The following BPNT1 variants were observed in gnomAD, a reference collection of about 807,000 sequenced individuals.
BPNT1 encodes the protein 3'(2'),5'-bisphosphate nucleotidase 1.
A neutral mutation model predicts 36.9 loss-of-function variants in BPNT1; 28 were observed. The observed-to-expected ratio is 0.76, with a 90% CI of 0.56 to 1.04. The LOEUF (loss-of-function observed/expected upper bound fraction) is 1.04, where lower values mean the gene tolerates loss of function less well. Ranked by LOEUF, BPNT1 falls within the 50% of genes least tolerant of loss-of-function variation. BPNT1 has a pLI of 0.00. For synonymous variants in BPNT1, 119 were observed against 130.9 expected (o/e 0.91, Z 0.62); for missense variants, 313 against 372.9 (o/e 0.84, Z 1.32).
At chr1:220,065,138 G>A (rs561025850) in intron 6 of BPNT1, among the ~76,000 whole-genome samples, 25 of 152,098 alleles carry the variant, frequency 1.6e-4, no homozygotes, top group Non-Finnish European at 3.1e-4. Context: ...CAGTTCTCCA[G>A]TTATTCTGGA....
intron 7 of BPNT1, among the ~76,000 whole-genome samples, chr1:220,060,395 G>C (rs1053565350): frequency 2.0e-5 from 3 of 152,108 alleles, no homozygotes; most frequent in Non-Finnish European, 4.4e-5. Context: ...AGAATCGTTT[G>C]AACCTGGGAG....
At chr1:220,086,934 C>A (rs567473798) in intron 1 of BPNT1, among the ~76,000 whole-genome samples, 15 of 146,956 alleles carry the variant, frequency 1.0e-4, no homozygotes, top group Admixed American at 1.4e-4. Flanking sequence ...GTAACCCCAA[C>A]TTCTTGGGAG....
rs866025067 is a variant in BPNT1 at position 220,064,686 on chromosome 1, T to C, written c.475-1732A>G. On this transcript the variant is annotated intron_variant, in intron 6 of 8. Coordinates refer to ENST00000322067, the MANE Select transcript of BPNT1 (RefSeq NM_006085.6). ...AATCCCAGAAGAGTCTGATGGCATA[T>C]GGGGCAACAAAGGAGCCAAAGAACA... 3.3e-5 allele frequency among the ~76,000 whole-genome samples: 5 copies of C among 152,180 alleles called. No homozygotes were observed. In the South Asian group the frequency reaches 1.0e-3, roughly 32 times the overall value.
Position 220,059,828 on chromosome 1 carries a change from A to G in BPNT1, c.673-37T>C, listed in dbSNP as rs375078434. On this transcript the variant is annotated intron_variant, in intron 7 of 8. Coordinates refer to ENST00000322067, the MANE Select transcript of BPNT1 (RefSeq NM_006085.6). ...AAAATAAGAATTATCCTTTGATAAT[A>G]GAAAGAATAATTGAAAGTCATGAAA... is the stretch of plus-strand genomic sequence containing the variant. 3.7e-4 allele frequency: 532 copies of G among 1,428,626 alleles called. 2 individuals are homozygous for G. The highest frequency in any genetic ancestry group is 3.1e-4 in the Non-Finnish European group (320 of 1,041,394). 88.5% of individuals were successfully genotyped at this position (1,428,626 alleles called of 1,614,324 possible). A position where few individuals can be genotyped will look rare whatever the true frequency, so the allele number is the denominator to read the frequency against.
Position 220,062,738 on chromosome 1 carries a change from T to A in BPNT1, c.672+19A>T, listed in dbSNP as rs1663166129. 1 of 1,612,868 alleles carries A rather than the reference T, an allele frequency of 6.2e-7. No individual in the cohort carries two copies. Among genetic ancestry groups the A allele is most frequent in the Non-Finnish European group, 8.5e-7 (1 of 1,178,790 alleles). ...TGATTCACTTGCACTTCAGAGCAGATGACAGACATTTTTCATACCTTATTT... is the reference window on the plus strand; with the variant it reads ...TGATTCACTTGCACTTCAGAGCAGAAGACAGACATTTTTCATACCTTATTT... On this transcript the variant is annotated intron_variant, in intron 7 of 8. Coordinates refer to ENST00000322067, the MANE Select transcript of BPNT1 (RefSeq NM_006085.6).
intron 2 of BPNT1, 63 bp from the exon 3 acceptor site, chr1:220,074,134 G>T: frequency 1.4e-6 from 2 of 1,395,182 alleles, no homozygotes; most frequent in Non-Finnish European, 1.0e-6. Flanking sequence ...CTGATTCCTT[G>T]TGCATGAGTG....
intron 2 of BPNT1, among the ~76,000 whole-genome samples, chr1:220,074,286 C>A (rs370227348): frequency 1.2e-4 from 18 of 152,168 alleles, no homozygotes; most frequent in African/African-American, 4.3e-4. Context: ...TAATCCAGAA[C>A]ATTTTCTTCC....
At chr1:220,068,094 G>GA in intron 5 of BPNT1, among the ~76,000 whole-genome samples, 2 of 152,186 alleles carry the variant, frequency 1.3e-5, no homozygotes, top group East Asian at 3.9e-4. Flanking sequence ...TAGTAATTAT[G>GA]ATAAATTTTT....
In BPNT1 at chr1:220,062,739, G is replaced by A. The variant is rs1663166392; in HGVS notation, c.672+18C>T. 1 of 1,612,600 alleles carries A rather than the reference G, an allele frequency of 6.2e-7. No individual in the cohort carries two copies. Among genetic ancestry groups the A allele is most frequent in the Non-Finnish European group, 8.5e-7 (1 of 1,178,754 alleles). ...GATTCACTTGCACTTCAGAGCAGAT[G>A]ACAGACATTTTTCATACCTTATTTC... On this transcript the variant is annotated intron_variant, in intron 7 of 8. Transcript: ENST00000322067.
intron 5 of BPNT1, among the ~76,000 whole-genome samples, chr1:220,068,331 G>A (rs1395831999): frequency 6.6e-6 from 1 of 152,056 alleles, no homozygotes; most frequent in African/African-American, 2.4e-5. Flanking sequence ...TTACAGACGT[G>A]TGCCACCAGG....
At position 220,057,725 on chromosome 1, in the gene BPNT1, A is replaced by G. The variant is rs1160712948; in HGVS notation, c.*1119T>C. 3 of 552,660 alleles carry G rather than the reference A, an allele frequency of 5.4e-6. No individual in the cohort carries two copies. The highest frequency in any genetic ancestry group is 9.0e-6 in the Non-Finnish European group (3 of 334,122). 34.2% of individuals were successfully genotyped at this position (552,660 alleles called of 1,614,324 possible). On this transcript the variant is annotated 3_prime_UTR_variant, in exon 9 of 9. Coordinates refer to ENST00000322067, the MANE Select transcript of BPNT1 (RefSeq NM_006085.6). ...TTTAAAAAGCTGGTGAATAACAAAGAGCTAGGATTAAATAATTTATTTAAA... is the reference window on the plus strand; with the variant it reads ...TTTAAAAAGCTGGTGAATAACAAAGGGCTAGGATTAAATAATTTATTTAAA...
At chr1:220,069,581 C>G (rs1663861828) in intron 4 of BPNT1, 149 bp from the exon 5 acceptor site, 1 of 546,792 alleles carries the variant, frequency 1.8e-6, no homozygotes, top group East Asian at 3.3e-5. Flanking sequence ...TGAGATAGTA[C>G]AAAAAGCTTA....
chr1:220,083,602 C>T (rs770623538), intron 1 of BPNT1, among the ~76,000 whole-genome samples: 2 of 152,028 alleles, frequency 1.3e-5, no homozygotes, highest in African/African-American at 2.4e-5. Flanking sequence ...TGAGCCACCG[C>T]GCCCGGCCAA....
At position 220,082,099 on chromosome 1, in the gene BPNT1, G is replaced by T. The variant is rs1333073867; in HGVS notation, c.-8-2245C>A. Among the ~76,000 whole-genome samples the T allele has an allele frequency of 5.9e-4, 85 of 143,426 alleles. 1 individual carries two copies. The highest frequency in any genetic ancestry group is 1.8e-3 in the African/African-American group (71 of 38,930). 94.1% of individuals were successfully genotyped at this position (143,426 alleles called of 152,430 possible). ...ATATATATATATAGAGAGAGAGAGA[G>T]AGAGAGAGAGAGAGAGAGAGAGTGT... On this transcript the variant is annotated intron_variant, in intron 1 of 8. Transcript: ENST00000322067.
At chr1:220,072,549 A>G (rs1173792769) in intron 4 of BPNT1, among the ~76,000 whole-genome samples, 1 of 152,096 alleles carries the variant, frequency 6.6e-6, no homozygotes, top group Non-Finnish European at 1.5e-5. Context: ...TCCTAGACTC[A>G]AGCAATCCAA....
At chr1:220,075,951 A>G (rs1664505979) in intron 2 of BPNT1, among the ~76,000 whole-genome samples, 1 of 152,224 alleles carries the variant, frequency 6.6e-6, no homozygotes. Context: ...AAGTGATGTT[A>G]AGGAAAAGGA....
chr1:220,069,144 G>C (rs1205832447), intron 5 of BPNT1, among the ~76,000 whole-genome samples: 1 of 152,172 alleles, frequency 6.6e-6, no homozygotes, highest in Non-Finnish European at 1.5e-5. Flanking sequence ...TCATCTGGGA[G>C]ACATTAGAAG....
In BPNT1 at chr1:220,058,426, A is replaced by G; in HGVS notation, c.*418T>C. ...TATAAATCACTGCTCAACAATGAAT[A>G]AAGGTGGAACTCTAATTCTACCCAA... On this transcript the variant is annotated 3_prime_UTR_variant, in exon 9 of 9. Transcript: ENST00000322067. 1.0e-6 allele frequency: 1 copy of G among 965,078 alleles called. No individual in the cohort carries two copies. The highest frequency in any genetic ancestry group is 1.8e-5 in the African/African-American group (1 of 56,870). The allele number at this position is 965,078 out of a possible 1,614,324, so 59.8% of individuals were successfully genotyped here. A position where few individuals can be genotyped will look rare whatever the true frequency, so the allele number is the denominator to read the frequency against.
intron 1 of BPNT1, among the ~76,000 whole-genome samples, chr1:220,083,558 G>A (rs1016069512): frequency 2.0e-5 from 3 of 151,738 alleles, no homozygotes; most frequent in Non-Finnish European, 2.9e-5. Flanking sequence ...TGATCCACTC[G>A]CCTCGGCCTC....
Sources: allele counts gnomAD v4.1 joint callset (sites outside exome capture counted in the v4.1 genomes callset), GRCh38; gene constraint gnomAD v4.1.1; transcripts MANE v1.5; gene names NCBI Gene and HGNC (gene_info 2026-07-23, HGNC 2026-07-21).